Variants in PTPRG observed in about 807,000 individuals in gnomAD.
PTPRG encodes protein tyrosine phosphatase receptor type G.
In PTPRG, 102 loss-of-function variants were observed where a neutral mutation model predicts 165.3. The observed-to-expected ratio is 0.62, with a 90% CI of 0.53 to 0.73. The LOEUF is 0.73. Ranked by LOEUF, PTPRG falls within the 30% of genes least tolerant of loss-of-function variation. The pLI, the probability that PTPRG is intolerant of heterozygous loss-of-function variation, is 0.00. For synonymous variants in PTPRG, 675 were observed against 669.5 expected, an observed-to-expected ratio of 1.01 and a Z score of -0.13; for missense variants, 1,866 against 1,861.4, an observed-to-expected ratio of 1.00 and a Z score of -0.05.
intron 2 of PTPRG, among the ~76,000 whole-genome samples, chr3:61,891,532 G>T (rs966424077): frequency 6.6e-6 from 1 of 152,006 alleles, no homozygotes; most frequent in African/African-American, 2.4e-5. Context: ...GCCATTTTTT[G>T]GTGAATCAAC....
intron 2 of PTPRG, among the ~76,000 whole-genome samples, chr3:61,797,278 T>C (rs1183975660): frequency 6.6e-6 from 1 of 152,226 alleles, no homozygotes; most frequent in Non-Finnish European, 1.5e-5. Flanking sequence ...AATCGGAATA[T>C]ACTTTTCATT....
chr3:61,952,516 A>G (rs773595584), intron 2 of PTPRG, among the ~76,000 whole-genome samples: 1 of 152,138 alleles, frequency 6.6e-6, no homozygotes, highest in Non-Finnish European at 1.5e-5. Context: ...TAAAATTACC[A>G]TCTATTCCAA....
chr3:61,979,780 T>A lies in PTPRG; in HGVS notation c.191-9845T>A, dbSNP rs545049335. ...AGATAGCATTTAATAGTTAATATATTTTGGAGCAAACGTTCCTCCTTTTAT... is the reference window on the plus strand; with the variant it reads ...AGATAGCATTTAATAGTTAATATATATTGGAGCAAACGTTCCTCCTTTTAT... On this transcript the variant is annotated intron_variant, in intron 2 of 29. Transcript: ENST00000474889. 5.8e-4 allele frequency among the ~76,000 whole-genome samples: 88 copies of A among 152,338 alleles called. 1 individual carries two copies. The highest frequency in any genetic ancestry group is 2.0e-3 in the African/African-American group (83 of 41,582).
chr3:62,108,200 C>A (rs1414857996), intron 5 of PTPRG, among the ~76,000 whole-genome samples: 1 of 151,984 alleles, frequency 6.6e-6, no homozygotes, highest in Non-Finnish European at 1.5e-5. Flanking sequence ...CCCCCAGCCC[C>A]CCACCCCGCA....
At chr3:62,140,231 C>T (rs763009210) in intron 6 of PTPRG, among the ~76,000 whole-genome samples, 65 of 152,290 alleles carry the variant, frequency 4.3e-4, no homozygotes, top group Middle Eastern at 3.4e-3. Flanking sequence ...TTTCTGCTGA[C>T]GTTACACATG....
intron 2 of PTPRG, among the ~76,000 whole-genome samples, chr3:61,838,298 A>G (rs1467436685): frequency 6.6e-6 from 1 of 152,212 alleles, no homozygotes. Flanking sequence ...TTGGTTTCAA[A>G]TAATTAACCC....
chr3:61,637,552 C>T (rs115958065), intron 1 of PTPRG, among the ~76,000 whole-genome samples: 79 of 152,148 alleles, frequency 5.2e-4, no homozygotes, highest in African/African-American at 1.8e-3. Context: ...TCAAGCAGAA[C>T]GCTTTCTGTT....
intron 4 of PTPRG, among the ~76,000 whole-genome samples, chr3:62,039,314 C>T (rs966394320): frequency 1.3e-5 from 2 of 150,726 alleles, no homozygotes; most frequent in African/African-American, 4.9e-5. Flanking sequence ...TCTTCTAACA[C>T]GTATATACAA....
chr3:61,782,499 T>C (rs757118975), intron 2 of PTPRG, among the ~76,000 whole-genome samples: 4 of 152,228 alleles, frequency 2.6e-5, no homozygotes, highest in Non-Finnish European at 5.9e-5. Context: ...ATTGGACATA[T>C]AATTTCACTA....
intron 26 of PTPRG, among the ~76,000 whole-genome samples, chr3:62,279,795 A>C (rs954375249): frequency 6.6e-6 from 1 of 152,086 alleles, no homozygotes; most frequent in Non-Finnish European, 1.5e-5. Flanking sequence ...CTAATGCAAC[A>C]ATGTAAGATT....
intron 1 of PTPRG, among the ~76,000 whole-genome samples, chr3:61,640,165 G>A (rs977709045): frequency 1.3e-5 from 2 of 152,144 alleles, no homozygotes; most frequent in African/African-American, 4.8e-5. Context: ...ACCCTCTTAA[G>A]AGTCCTGCCC....
At chr3:61,579,210 A>G (rs1221315157) in intron 1 of PTPRG, among the ~76,000 whole-genome samples, 1 of 152,200 alleles carries the variant, frequency 6.6e-6, no homozygotes, top group Admixed American at 6.5e-5. Context: ...ATCTCTTGCT[A>G]CGTTATCAAG....
At chr3:61,769,807 G>A (rs2034150833) in intron 2 of PTPRG, 1 of 152,134 alleles carries the variant, frequency 6.6e-6, no homozygotes, top group Non-Finnish European at 1.5e-5. Flanking sequence ...TTCTTGAACT[G>A]TCCTTTTGTT....
chr3:61,838,205 C>T (rs1358299754), intron 2 of PTPRG, among the ~76,000 whole-genome samples: 1 of 152,112 alleles, frequency 6.6e-6, no homozygotes, highest in Admixed American at 6.6e-5. Flanking sequence ...AATTATTGTC[C>T]TGAACTCAGT....
chr3:62,254,245 C>A lies in PTPRG; in HGVS notation c.2468-879C>A. Reference sequence around the variant, plus strand: ...ACTCTGAATAAAGTAAATGTCATGTCTGTTGTTTATCTCAAATTCAGCAGA... The same window carrying A: ...ACTCTGAATAAAGTAAATGTCATGTATGTTGTTTATCTCAAATTCAGCAGA... On this transcript the variant is annotated intron_variant, in intron 15 of 29. Transcript: ENST00000474889. This position sits in a 1 kb window ranked among gnomAD's most constrained non-coding sequence, Gnocchi z 4.6. Among the ~76,000 whole-genome samples, 1 of 152,158 alleles carries A rather than the reference C, an allele frequency of 6.6e-6. No homozygotes were observed. The highest frequency in any genetic ancestry group is 2.4e-5 in the African/African-American group (1 of 41,444).
intron 2 of PTPRG, among the ~76,000 whole-genome samples, chr3:61,911,979 C>T (rs967176739): frequency 2.0e-5 from 3 of 152,246 alleles, no homozygotes; most frequent in African/African-American, 4.8e-5. Flanking sequence ...GGATGATTTA[C>T]GCCCCCAATT....
intron 1 of PTPRG, among the ~76,000 whole-genome samples, chr3:61,601,171 A>C (rs886584151): frequency 6.6e-6 from 1 of 152,172 alleles, no homozygotes; most frequent in Admixed American, 6.5e-5. Flanking sequence ...TGGGAGAATC[A>C]CTTGAACCCT....
chr3:62,292,145 C>T (rs1011396585), intron 28 of PTPRG, among the ~76,000 whole-genome samples: 1 of 152,030 alleles, frequency 6.6e-6, no homozygotes, highest in Non-Finnish European at 1.5e-5. Flanking sequence ...TCATCTTTAG[C>T]TCTCCTAAGT....
intron 1 of PTPRG, among the ~76,000 whole-genome samples, chr3:61,629,334 T>C (rs1701702553): frequency 6.6e-6 from 1 of 152,042 alleles, no homozygotes; most frequent in African/African-American, 2.4e-5. Context: ...TTTGGGTTTT[T>C]AGTAGAGATG....
Sources: allele counts gnomAD v4.1 joint callset (sites outside exome capture counted in the v4.1 genomes callset), GRCh38; gene constraint gnomAD v4.1.1; non-coding constraint Gnocchi (gnomAD v3.1); transcripts MANE v1.5; gene names NCBI Gene and HGNC (gene_info 2026-07-23, HGNC 2026-07-21).